The following MEP1A variants were observed in gnomAD, a reference collection of about 807,000 sequenced individuals.
MEP1A encodes meprin A subunit alpha, also known as N-benzoyl-L-tyrosyl-P-amino-benzoic acid hydrolase subunit alpha.
A neutral mutation model predicts 84.5 loss-of-function variants in MEP1A; 68 were observed. The observed-to-expected ratio is 0.80, with a 90% CI of 0.66 to 0.98. The LOEUF (loss-of-function observed/expected upper bound fraction) is 0.98. Among genes scored for constraint, MEP1A ranks in the 50% least tolerant of loss-of-function variants. MEP1A has a pLI of 0.00. For synonymous variants in MEP1A, 337 were observed against 336.8 expected (o/e 1.00, Z -0.01); for missense variants, 887 against 919.9 (o/e 0.96, Z 0.46).
In MEP1A at chr6:46,799,264, G is replaced by C; in HGVS notation, c.262+83G>C. ...CCTGTCCATGGGCTTCACATTGGGAGTAACCACCACGATCTAAGAGAGTTT... is the reference window on the plus strand; with the variant it reads ...CCTGTCCATGGGCTTCACATTGGGACTAACCACCACGATCTAAGAGAGTTT... On this transcript the variant is annotated intron_variant, in intron 5 of 13. Transcript: ENST00000230588. 3 of 894,304 alleles carry C rather than the reference G, an allele frequency of 3.4e-6. No homozygotes were observed. The South Asian group carries it at 4.1e-5, about 12-fold the overall frequency. 55.4% of individuals were successfully genotyped at this position (894,304 alleles called of 1,614,324 possible). A position where few individuals can be genotyped will look rare whatever the true frequency, so the allele number is the denominator to read the frequency against.
At chr6:46,801,814 A>G (rs1408302137) in intron 5 of MEP1A, among the ~76,000 whole-genome samples, 1 of 151,992 alleles carries the variant, frequency 6.6e-6, no homozygotes, top group African/African-American at 2.4e-5. Context: ...ATTGGTTGGT[A>G]TTTATTAGCC....
intron 6 of MEP1A, among the ~76,000 whole-genome samples, chr6:46,817,087 C>T (rs1360099750): frequency 6.6e-6 from 1 of 152,104 alleles, no homozygotes; most frequent in Non-Finnish European, 1.5e-5. Flanking sequence ...AAGGTACCTA[C>T]ACCAAGGAAG....
intron 7 of MEP1A, among the ~76,000 whole-genome samples, chr6:46,824,605 TG>T (rs1767861231): frequency 1.5e-5 from 2 of 135,646 alleles, no homozygotes; most frequent in South Asian, 4.4e-4. Flanking sequence ...ATTAAATAGA[TG>T]TATTTAAATA....
chr6:46,819,850 T>C (rs1735561534), intron 7 of MEP1A, 146 bp downstream of exon 7: 2 of 886,294 alleles, frequency 2.3e-6, no homozygotes, highest in Admixed American at 4.7e-5. Context: ...TGGCCCTTTA[T>C]GTGGGCTGTG....
chr6:46,809,451 CT>C lies in MEP1A; in HGVS notation c.297del (p.Phe99LeufsTer55), dbSNP rs770232274. 5.6e-6 allele frequency: 9 copies of C among 1,609,484 alleles called. No individual in the cohort carries two copies. The highest frequency in any genetic ancestry group is 7.6e-6 in the Non-Finnish European group (9 of 1,177,244). ...ATGCTAAAGGAGCCATTCTGTATGC[CT>C]TTGAGATGTTCCGTCTCAAGTCCTG... ...LNAKGAILYA[F>X]EMFRLKSCVD... On this transcript the variant is annotated frameshift_variant, in exon 6 of 14. Transcript: ENST00000230588. LOFTEE classifies it high-confidence loss of function.
chr6:46,816,844 C>T, intron 6 of MEP1A, among the ~76,000 whole-genome samples: 1 of 152,212 alleles, frequency 6.6e-6, no homozygotes, highest in East Asian at 1.9e-4. Flanking sequence ...CTGTATGACT[C>T]AGCAGGGGCA....
At chr6:46,836,927 C>T (rs1454882103) in intron 13 of MEP1A, among the ~76,000 whole-genome samples, 1 of 151,970 alleles carries the variant, frequency 6.6e-6, no homozygotes, top group Non-Finnish European at 1.5e-5. Context: ...CTATACATGT[C>T]ATTACTGGTG....
chr6:46,817,774 T>G (rs1429326531), intron 6 of MEP1A, among the ~76,000 whole-genome samples: 1 of 152,226 alleles, frequency 6.6e-6, no homozygotes, highest in Non-Finnish European at 1.5e-5. Flanking sequence ...TAGGTCAGCT[T>G]TGAGAGACAT....
At chr6:46,822,269 T>C (rs1442729658) in intron 7 of MEP1A, among the ~76,000 whole-genome samples, 1 of 152,110 alleles carries the variant, frequency 6.6e-6, no homozygotes, top group Non-Finnish European at 1.5e-5. Context: ...AGAGAACATA[T>C]TTTCTATCTA....
intron 7 of MEP1A, among the ~76,000 whole-genome samples, chr6:46,823,881 C>T (rs920146007): frequency 6.6e-6 from 1 of 152,196 alleles, no homozygotes; most frequent in African/African-American, 2.4e-5. Flanking sequence ...ATCTCACTTT[C>T]ACTAATCTCA....
At chr6:46,814,369 C>T (rs1055888745) in intron 6 of MEP1A, among the ~76,000 whole-genome samples, 1 of 152,100 alleles carries the variant, frequency 6.6e-6, no homozygotes, top group African/African-American at 2.4e-5. Context: ...TTGCATTTCT[C>T]TAAGTATGTC....
intron 6 of MEP1A, among the ~76,000 whole-genome samples, chr6:46,812,976 A>C (rs1013436895): frequency 6.6e-6 from 1 of 152,036 alleles, no homozygotes; most frequent in Admixed American, 6.6e-5. Context: ...AATATCTGTT[A>C]AGTCCATTTG....
intron 5 of MEP1A, 96 bp downstream of exon 5, chr6:46,799,277 T>C: frequency 1.3e-6 from 1 of 794,700 alleles, no homozygotes; most frequent in Admixed American, 2.1e-5. Context: ...ACCACCACGA[T>C]CTAAGAGAGT....
intron 10 of MEP1A, among the ~76,000 whole-genome samples, chr6:46,832,558 G>T (rs1188927427): frequency 6.6e-6 from 1 of 152,220 alleles, no homozygotes; most frequent in Non-Finnish European, 1.5e-5. Context: ...AAGTCTAGAT[G>T]TTGGAGAGGG....
chr6:46,825,865 C>T (rs138593899), intron 8 of MEP1A, among the ~76,000 whole-genome samples: 86 of 152,228 alleles, frequency 5.6e-4, no homozygotes, highest in South Asian at 2.1e-3. Context: ...TGCATTATTA[C>T]GTAAAGGTCA....
chr6:46,808,881 T>C (rs1160644641), intron 5 of MEP1A, among the ~76,000 whole-genome samples: 1 of 152,084 alleles, frequency 6.6e-6, no homozygotes, highest in Non-Finnish European at 1.5e-5. Context: ...GTGCTTCTTA[T>C]GCTTTCAGAA....
chr6:46,819,059 T>C (rs1174807405), intron 6 of MEP1A, among the ~76,000 whole-genome samples: 7 of 152,190 alleles, frequency 4.6e-5, no homozygotes, highest in Non-Finnish European at 8.8e-5. Flanking sequence ...CTGAGGCTGC[T>C]GTGAGCTGTG....
chr6:46,838,713 A>T (rs1441478700), intron 13 of MEP1A, among the ~76,000 whole-genome samples: 8 of 152,182 alleles, frequency 5.3e-5, no homozygotes, highest in African/African-American at 1.9e-4. Flanking sequence ...AGTGTGAAAC[A>T]CTTACTAACA....
chr6:46,814,975 G>A (rs1767599569), intron 6 of MEP1A, among the ~76,000 whole-genome samples: 1 of 152,194 alleles, frequency 6.6e-6, no homozygotes, highest in Non-Finnish European at 1.5e-5. Context: ...CTCTGTGAAG[G>A]TCCTTGGTTG....
Sources: allele counts gnomAD v4.1 joint callset (sites outside exome capture counted in the v4.1 genomes callset), GRCh38; gene constraint gnomAD v4.1.1; transcripts MANE v1.5; gene names NCBI Gene and HGNC (gene_info 2026-07-23, HGNC 2026-07-21).